Variants in COL4A4 observed in about 807,000 individuals in gnomAD.
COL4A4 encodes the protein collagen type IV alpha 4 chain.
COL4A4 carries 105 observed loss-of-function variants against 192.9 expected under a neutral mutation model. The ratio of observed to expected loss-of-function variants is 0.54; its 90% CI spans 0.46 to 0.64. The LOEUF is 0.64. Ranked by LOEUF, COL4A4 falls within the 30% of genes least tolerant of loss-of-function variation. COL4A4 has a pLI of 0.00. For synonymous variants in COL4A4, 762 were observed against 769.9 expected (o/e 0.99, Z 0.17); for missense variants, 1,967 against 2,169.3 (o/e 0.91, Z 1.85).
intron 1 of COL4A4, among the ~76,000 whole-genome samples, chr2:227,155,256 A>G (rs1477360377): frequency 6.7e-6 from 1 of 149,226 alleles, no homozygotes; most frequent in Non-Finnish European, 1.5e-5. Flanking sequence ...ACTGGAGTTG[A>G]GTTTGTTAGT....
At chr2:227,087,728 G>A (rs1388061470) in intron 22 of COL4A4, among the ~76,000 whole-genome samples, 1 of 152,150 alleles carries the variant, frequency 6.6e-6, no homozygotes, top group African/African-American at 2.4e-5. Context: ...AGCAACCAGA[G>A]TGAGTGATCC....
In COL4A4 at chr2:227,038,874, T is replaced by G. The variant is rs867614799; in HGVS notation, c.3505+3274A>C. 2.0e-5 allele frequency among the ~76,000 whole-genome samples: 3 copies of G among 152,238 alleles called. No homozygotes were observed. In the South Asian group the frequency reaches 6.2e-4, roughly 32 times the overall value. ...AGCATGATAAGCTGCAACAATGAATTTATACTGCAGATGTTTTAACTTTTC... is the reference window on the plus strand; with the variant it reads ...AGCATGATAAGCTGCAACAATGAATGTATACTGCAGATGTTTTAACTTTTC... On this transcript the variant is annotated intron_variant, in intron 37 of 47. Coordinates refer to ENST00000396625, the MANE Select transcript of COL4A4 (RefSeq NM_000092.5).
intron 18 of COL4A4, 30 bp downstream of exon 18, chr2:227,099,590 T>C: frequency 6.2e-7 from 1 of 1,605,258 alleles, no homozygotes; most frequent in South Asian, 1.1e-5. Flanking sequence ...TTCTGCATAA[T>C]TTATGGAGGA....
intron 4 of COL4A4, 107 bp from the exon 5 acceptor site, chr2:227,121,255 C>T: frequency 2.4e-6 from 3 of 1,257,916 alleles, no homozygotes; most frequent in East Asian, 5.1e-5. Flanking sequence ...ATTAGATTTG[C>T]ACAACTCTAA....
intron 25 of COL4A4, among the ~76,000 whole-genome samples, chr2:227,066,112 A>G (rs1222518649): frequency 6.6e-6 from 1 of 152,242 alleles, no homozygotes; most frequent in East Asian, 1.9e-4. Context: ...ATCAACTGGA[A>G]CAAAGGGTAT....
intron 40 of COL4A4, among the ~76,000 whole-genome samples, chr2:227,031,357 C>T (rs1968357443): frequency 6.6e-6 from 1 of 152,206 alleles, no homozygotes; most frequent in South Asian, 2.1e-4. Context: ...CTGCATTTAG[C>T]AAGATATCAC....
At chr2:227,067,852 A>G (rs2058445316) in intron 25 of COL4A4, among the ~76,000 whole-genome samples, 1 of 148,650 alleles carries the variant, frequency 6.7e-6, no homozygotes, top group Non-Finnish European at 1.5e-5. Context: ...GCAGAAGGCA[A>G]GAAATAACTA....
At chr2:227,008,861 T>A (rs1414761748) in intron 46 of COL4A4, among the ~76,000 whole-genome samples, 1 of 152,186 alleles carries the variant, frequency 6.6e-6, no homozygotes, top group South Asian at 2.1e-4. Context: ...GCACTGTCTG[T>A]CTCAGGAGTG....
At chr2:227,073,991 C>T (rs2058873131) in intron 25 of COL4A4, among the ~76,000 whole-genome samples, 1 of 151,808 alleles carries the variant, frequency 6.6e-6, no homozygotes, top group African/African-American at 2.4e-5. Context: ...TTGGCCTCAG[C>T]AAAGAATTCA....
chr2:226,983,347 A>C, the COL4A4 span, among the ~76,000 whole-genome samples: 1 of 152,082 alleles, frequency 6.6e-6, no homozygotes, highest in South Asian at 2.1e-4. Flanking sequence ...TTTCTGCGGG[A>C]ATGTGGCACG....
chr2:227,141,062 C>T (rs1333562742), intron 3 of COL4A4, among the ~76,000 whole-genome samples: 3 of 152,316 alleles, frequency 2.0e-5, no homozygotes, highest in East Asian at 3.9e-4. Context: ...CCATGATGCA[C>T]CTGCAATGAA....
chr2:226,999,440 C>T (rs1002924111), downstream of COL4A4, among the ~76,000 whole-genome samples: 5 of 152,162 alleles, frequency 3.3e-5, no homozygotes, highest in South Asian at 6.2e-4. Context: ...GATTCCCACA[C>T]GACCAAGAAG....
Position 227,060,126 on chromosome 2 carries a change from C to CAAAAA in COL4A4, c.2164+9_2164+10insTTTTT. 1 of 438,594 alleles carries CAAAAA rather than the reference C, an allele frequency of 2.3e-6. No homozygotes were observed. Among genetic ancestry groups the CAAAAA allele is most frequent in the Non-Finnish European group, 3.2e-6 (1 of 313,896 alleles). 27.2% of individuals were successfully genotyped at this position (438,594 alleles called of 1,614,324 possible). On this transcript the variant is annotated intron_variant, in intron 27 of 47. Transcript: ENST00000396625. ...GAAAAAAAAAAAAAAAAAAAAAAAACCTCACTGACCAGGTGGACCTGGTAT... is the reference window on the plus strand; with the variant it reads ...GAAAAAAAAAAAAAAAAAAAAAAAACAAAAACTCACTGACCAGGTGGACCTGGTAT...
chr2:227,094,775 T>TTGTACAA (rs1368201482), intron 19 of COL4A4, among the ~76,000 whole-genome samples: 2 of 152,212 alleles, frequency 1.3e-5, no homozygotes, highest in Non-Finnish European at 1.5e-5. Context: ...GTGGTGATCA[T>TTGTACAA]TGTACAATGT....
At chr2:227,128,912 G>A (rs1416342258) in intron 4 of COL4A4, among the ~76,000 whole-genome samples, 2 of 151,900 alleles carry the variant, frequency 1.3e-5, no homozygotes, top group African/African-American at 4.8e-5. Flanking sequence ...CCGCACACCC[G>A]CCAACCTTAT....
At chr2:227,065,573 T>TGACCCCC (rs2058274128) in intron 25 of COL4A4, among the ~76,000 whole-genome samples, 1 of 152,196 alleles carries the variant, frequency 6.6e-6, no homozygotes, top group Non-Finnish European at 1.5e-5. Context: ...CCCTGACCCC[T>TGACCCCC]GACCCCCGAG....
At chr2:227,038,540 G>A (rs1970154460) in intron 37 of COL4A4, among the ~76,000 whole-genome samples, 1 of 152,106 alleles carries the variant, frequency 6.6e-6, no homozygotes, top group Non-Finnish European at 1.5e-5. Context: ...GGATTGTCTT[G>A]GCTATACAGG....
Position 227,140,161 on chromosome 2 carries a change from C to T in COL4A4, c.192G>A (p.Arg64=), listed in dbSNP as rs748152418. 2.4e-5 allele frequency: 39 copies of T among 1,613,284 alleles called. No homozygotes were observed. Among genetic ancestry groups the T allele is most frequent in the Non-Finnish European group, 3.1e-5 (37 of 1,179,428 alleles). The stretch of plus-strand genomic sequence containing the variant: ...CCATGTTGGTCTTTACATCACTTAC[C>T]CGAGACCCCTTTTCAGGAACACAGT... The part of the protein sequence containing the change: ...VCHCVPEKGS[R]GPPGPPGPQG... Residue 64 remains arginine (R), a splice_region_variant and synonymous_variant, in exon 4 of 48, where the codon CGG becomes CGA. Coordinates refer to ENST00000396625, the MANE Select transcript of COL4A4 (RefSeq NM_000092.5).
rs1026862997 is a variant in COL4A4, at chr2:227,030,319, G to A, written c.3973+124C>T. 8 of 1,075,168 alleles carry A rather than the reference G, an allele frequency of 7.4e-6. No individual in the cohort carries two copies. In the Admixed American group the frequency reaches 1.5e-4, roughly 20 times the overall value. 66.6% of individuals were successfully genotyped at this position (1,075,168 alleles called of 1,614,324 possible). On this transcript the variant is annotated intron_variant, in intron 41 of 47. Coordinates refer to ENST00000396625, the MANE Select transcript of COL4A4 (RefSeq NM_000092.5). ...ACTTCAGGACTCTTTGGGGAAATAA[G>A]GACATTTTGGAAGGTAGTCACTTTG...
Sources: allele counts gnomAD v4.1 joint callset (sites outside exome capture counted in the v4.1 genomes callset), GRCh38; gene constraint gnomAD v4.1.1; transcripts MANE v1.5; gene names NCBI Gene and HGNC (gene_info 2026-07-23, HGNC 2026-07-21).